The following RXFP1 variants were observed in gnomAD, a reference collection of about 807,000 sequenced individuals.
The protein encoded by RXFP1 is relaxin family peptide receptor 1.
Under a neutral mutation model 89.8 loss-of-function variants are expected in RXFP1, and 73 were observed. The observed-to-expected ratio is 0.81, with a 90% CI of 0.67 to 0.99. RXFP1 has a LOEUF of 0.99. Ranked by LOEUF, RXFP1 falls within the 50% of genes least tolerant of loss-of-function variation. RXFP1 has a pLI of 0.00. For missense variants in RXFP1, 793 were observed against 895.5 expected, an observed-to-expected ratio of 0.89 and a Z score of 1.46; for synonymous variants, 277 against 305.5, an observed-to-expected ratio of 0.91 and a Z score of 0.97.
chr4:158,591,713 C>T (rs1759516372), intron 2 of RXFP1, among the ~76,000 whole-genome samples: 1 of 152,118 alleles, frequency 6.6e-6, no homozygotes, highest in Admixed American at 6.5e-5. Context: ...TGCACCACTG[C>T]ATTCCAGCCT....
Position 158,643,855 on chromosome 4 carries a change from C to T in RXFP1, c.1116-1054C>T, listed in dbSNP as rs138113053. Among the ~76,000 whole-genome samples the T allele has an allele frequency of 2.8e-4, 43 of 152,188 alleles. No homozygotes were observed. In the East Asian group the frequency reaches 7.3e-3, roughly 26 times the overall value. ...TAGTGCCTATACTAATTTACATTCC[C>T]GCCAATAACAGTTCCCTTTTCTCCA... On this transcript the variant is annotated intron_variant, in intron 14 of 17. Coordinates refer to ENST00000307765, the MANE Select transcript of RXFP1 (RefSeq NM_021634.4).
At chr4:158,524,487 A>C (rs1017520152) in intron 1 of RXFP1, among the ~76,000 whole-genome samples, 5 of 152,194 alleles carry the variant, frequency 3.3e-5, no homozygotes, top group Admixed American at 1.3e-4. Context: ...TCAATTCAAT[A>C]AGACAAGTGC....
intron 1 of RXFP1, among the ~76,000 whole-genome samples, chr4:158,551,551 G>C (rs1309383380): frequency 1.3e-5 from 2 of 151,948 alleles, no homozygotes; most frequent in African/African-American, 4.8e-5. Flanking sequence ...TATGTTAATT[G>C]GTTTGATTTA....
At chr4:158,522,979 A>T (rs1211244829) in intron 1 of RXFP1, among the ~76,000 whole-genome samples, 2 of 152,164 alleles carry the variant, frequency 1.3e-5, no homozygotes, top group African/African-American at 4.8e-5. Context: ...CAAAGTGATT[A>T]TATCTTCCTT....
intron 1 of RXFP1, among the ~76,000 whole-genome samples, chr4:158,570,001 A>AG (rs1418239654): frequency 6.6e-6 from 1 of 152,220 alleles, no homozygotes; most frequent in African/African-American, 2.4e-5. Flanking sequence ...GTTTATTTGT[A>AG]GGGGTATAAA....
intron 1 of RXFP1, among the ~76,000 whole-genome samples, chr4:158,568,071 C>T (rs1412936459): frequency 6.6e-6 from 1 of 152,226 alleles, no homozygotes; most frequent in Non-Finnish European, 1.5e-5. Context: ...ACTCCGAACA[C>T]ACTGCCTTTA....
intron 1 of RXFP1, among the ~76,000 whole-genome samples, chr4:158,565,770 A>G (rs2149964255): frequency 6.6e-6 from 1 of 152,360 alleles, no homozygotes; most frequent in East Asian, 1.9e-4. Flanking sequence ...ATAAATTAAC[A>G]CTTTGATGAG....
At chr4:158,536,991 A>G (rs1048329336) in intron 1 of RXFP1, among the ~76,000 whole-genome samples, 4 of 149,168 alleles carry the variant, frequency 2.7e-5, no homozygotes, top group Non-Finnish European at 5.9e-5. Flanking sequence ...AGTGACTTCT[A>G]TGCCAATTTG....
At chr4:158,527,203 C>G (rs1560942500) in intron 1 of RXFP1, among the ~76,000 whole-genome samples, 2 of 152,036 alleles carry the variant, frequency 1.3e-5, no homozygotes. Context: ...TGAGTATCCA[C>G]TTGAACTAAG....
At chr4:158,609,238 G>A (rs1288957693) in intron 6 of RXFP1, among the ~76,000 whole-genome samples, 2 of 152,208 alleles carry the variant, frequency 1.3e-5, no homozygotes, top group South Asian at 4.2e-4. Flanking sequence ...TTTTTTAAGG[G>A]ACTGCCATAC....
intron 2 of RXFP1, among the ~76,000 whole-genome samples, chr4:158,582,814 A>G (rs1429620449): frequency 1.3e-5 from 2 of 152,166 alleles, no homozygotes; most frequent in Non-Finnish European, 2.9e-5. Context: ...GATTCAGCCC[A>G]AGGAGGAGGG....
At position 158,574,995 on chromosome 4, in the gene RXFP1, G is replaced by A. The variant is rs116769581; in HGVS notation, c.187+2160G>A. On this transcript the variant is annotated intron_variant, in intron 2 of 17. Coordinates refer to ENST00000307765, the MANE Select transcript of RXFP1 (RefSeq NM_021634.4). ...TAGTCAGTTCCCCGTCGACCTGCTG[G>A]CAGTTCAAATAGAGAGTTCTAGACA... is the stretch of plus-strand genomic sequence containing the variant. Among the ~76,000 whole-genome samples, 319 of 152,284 alleles carry A rather than the reference G, an allele frequency of 2.1e-3. 1 individual carries two copies. Among genetic ancestry groups the A allele is most frequent in the Middle Eastern group, 0.014 (4 of 294 alleles).
chr4:158,633,138 C>A (rs1768434428), intron 11 of RXFP1, among the ~76,000 whole-genome samples: 1 of 152,012 alleles, frequency 6.6e-6, no homozygotes, highest in African/African-American at 2.4e-5. Context: ...CCACTACACT[C>A]CAGCCTGGGT....
chr4:158,607,644 T>C (rs998761663), intron 5 of RXFP1, among the ~76,000 whole-genome samples: 1 of 152,242 alleles, frequency 6.6e-6, no homozygotes. Context: ...TTGGCTGTTA[T>C]TCATTCATCT....
At chr4:158,635,615 CT>C (rs1271271068) in intron 12 of RXFP1, among the ~76,000 whole-genome samples, 2 of 152,056 alleles carry the variant, frequency 1.3e-5, no homozygotes, top group African/African-American at 4.8e-5. Context: ...TAAGGGAAAG[CT>C]TTTGGTCTTT....
chr4:158,617,592 A>T (rs914774263), intron 9 of RXFP1, among the ~76,000 whole-genome samples: 4 of 152,038 alleles, frequency 2.6e-5, no homozygotes, highest in African/African-American at 9.7e-5. Context: ...GAATAATAAG[A>T]ATATGATATT....
At chr4:158,632,064 A>G (rs542299964) in intron 11 of RXFP1, among the ~76,000 whole-genome samples, 22 of 152,260 alleles carry the variant, frequency 1.4e-4, no homozygotes, top group African/African-American at 3.9e-4. Flanking sequence ...CACTCACACA[A>G]TGCGGTTTTG....
At chr4:158,618,508 C>T (rs1437699727) in intron 9 of RXFP1, among the ~76,000 whole-genome samples, 1 of 151,936 alleles carries the variant, frequency 6.6e-6, no homozygotes, top group Non-Finnish European at 1.5e-5. Context: ...CTATCCAAAA[C>T]AACTTATTCC....
At chr4:158,628,731 C>T (rs765835905) in intron 11 of RXFP1, 22 bp downstream of exon 11, 9 of 1,341,216 alleles carry the variant, frequency 6.7e-6, no homozygotes, top group Non-Finnish European at 9.4e-6. Flanking sequence ...TGAACATATA[C>T]TGATAAGAAT....
Sources: gnomAD v4.1 joint callset for allele counts (sites outside exome capture counted in the v4.1 genomes callset) on GRCh38, gnomAD v4.1.1 for gene constraint, MANE v1.5 for transcripts, NCBI Gene and HGNC (gene_info 2026-07-23, HGNC 2026-07-21) for gene names.